Variants in PAK1 observed in about 807,000 individuals in gnomAD.
The protein encoded by PAK1 is serine/threonine-protein kinase PAK 1.
Under a neutral mutation model 67.4 loss-of-function variants are expected in PAK1, and 29 were observed. The observed-to-expected ratio is 0.43, with a 90% confidence interval of 0.32 to 0.59. The LOEUF (loss-of-function observed/expected upper bound fraction) is 0.59, where lower values mean the gene tolerates loss of function less well. Among genes scored for constraint, PAK1 ranks in the 20% least tolerant of loss-of-function variants. PAK1 has a pLI of 0.07. For missense variants in PAK1, 337 were observed against 670.7 expected (o/e 0.50, Z 5.50); for synonymous variants, 223 against 237.4 (o/e 0.94, Z 0.56).
chr11:77,429,963 C>T (rs924845676), intron 1 of PAK1, among the ~76,000 whole-genome samples: 6 of 152,058 alleles, frequency 3.9e-5, no homozygotes, highest in Admixed American at 3.9e-4. Context: ...AGTTTGATAT[C>T]GCTTTTTAAA....
chr11:77,439,280 C>T (rs1336587379), intron 1 of PAK1, among the ~76,000 whole-genome samples: 1 of 152,082 alleles, frequency 6.6e-6, no homozygotes, highest in Non-Finnish European at 1.5e-5. Flanking sequence ...AGGGCTTTGG[C>T]TTTTAAAACC....
intron 4 of PAK1, among the ~76,000 whole-genome samples, chr11:77,377,403 A>T (rs1382378589): frequency 1.3e-5 from 2 of 152,212 alleles, no homozygotes; most frequent in Admixed American, 6.5e-5. Flanking sequence ...AGTTGGCCCT[A>T]GTCTTCAACT....
chr11:77,403,728 CA>C (rs1953035072), intron 1 of PAK1, among the ~76,000 whole-genome samples: 1 of 152,138 alleles, frequency 6.6e-6, no homozygotes, highest in Non-Finnish European at 1.5e-5. Context: ...CTTAAGCAGC[CA>C]AATGTCCTAG....
At chr11:77,403,563 C>CA (rs1338236484) in intron 1 of PAK1, among the ~76,000 whole-genome samples, 3 of 152,170 alleles carry the variant, frequency 2.0e-5, no homozygotes, top group Non-Finnish European at 4.4e-5. Flanking sequence ...AGTCCCCTGC[C>CA]TTTTTTTCCT....
the PAK1 span, among the ~76,000 whole-genome samples, chr11:77,505,798 A>T: frequency 6.6e-6 from 1 of 152,208 alleles, no homozygotes; most frequent in Admixed American, 6.5e-5. Context: ...TTTGTTTATC[A>T]TCATCTGTTG....
At chr11:77,510,403 G>A in the PAK1 span, among the ~76,000 whole-genome samples, 1 of 152,154 alleles carries the variant, frequency 6.6e-6, no homozygotes, top group African/African-American at 2.4e-5. Context: ...GCTAATTGTT[G>A]TACTTTTAGT....
At chr11:77,497,083 A>T in the PAK1 span, among the ~76,000 whole-genome samples, 1 of 152,186 alleles carries the variant, frequency 6.6e-6, no homozygotes, top group South Asian at 2.1e-4. Context: ...AATGGAGCTT[A>T]TCTAGCCTGA....
chr11:77,427,378 A>AT (rs890494940), intron 1 of PAK1, among the ~76,000 whole-genome samples: 25 of 151,890 alleles, frequency 1.6e-4, no homozygotes, highest in Middle Eastern at 3.4e-3. Flanking sequence ...GACAGTGTAG[A>AT]TTTTTTTTTA....
At chr11:77,385,405 T>C (rs1950320991) in intron 2 of PAK1, among the ~76,000 whole-genome samples, 2 of 152,248 alleles carry the variant, frequency 1.3e-5, no homozygotes, top group South Asian at 4.1e-4. Context: ...TTAATAAATT[T>C]GACCACATTA....
At chr11:77,455,021 G>A (rs868031478) in intron 1 of PAK1, among the ~76,000 whole-genome samples, 2 of 152,096 alleles carry the variant, frequency 1.3e-5, no homozygotes, top group East Asian at 3.9e-4. Context: ...TCATCCACTG[G>A]TGAATAAAGA....
At chr11:77,430,074 T>C in intron 1 of PAK1, among the ~76,000 whole-genome samples, 1 of 152,162 alleles carries the variant, frequency 6.6e-6, no homozygotes, top group South Asian at 2.1e-4. Flanking sequence ...ACAGTGAAGT[T>C]AAAGGTAAGA....
chr11:77,349,793 G>C (rs1364087977), intron 8 of PAK1, among the ~76,000 whole-genome samples: 1 of 151,862 alleles, frequency 6.6e-6, no homozygotes, highest in Non-Finnish European at 1.5e-5. Flanking sequence ...TTAGATCTAT[G>C]ATTTTCAACT....
chr11:77,487,027 C>T, the PAK1 span, among the ~76,000 whole-genome samples: 1 of 152,174 alleles, frequency 6.6e-6, no homozygotes, highest in Non-Finnish European at 1.5e-5. Flanking sequence ...CAGCTCATGG[C>T]TCCAGGAGAG....
the PAK1 span, among the ~76,000 whole-genome samples, chr11:77,502,785 T>C: frequency 6.6e-6 from 1 of 152,110 alleles, no homozygotes; most frequent in Non-Finnish European, 1.5e-5. Flanking sequence ...CAAGCTGGCA[T>C]GGTGCACATA....
chr11:77,423,439 ACACC>A (rs1366993375), intron 1 of PAK1, among the ~76,000 whole-genome samples: 8 of 144,568 alleles, frequency 5.5e-5, no homozygotes, highest in African/African-American at 1.9e-4. Context: ...ACACACACAC[ACACC>A]CCTTAGGACA....
chr11:77,445,010 C>G (rs755488632), intron 1 of PAK1, among the ~76,000 whole-genome samples: 1 of 151,942 alleles, frequency 6.6e-6, no homozygotes, highest in Non-Finnish European at 1.5e-5. Context: ...ACCACCAATA[C>G]CTTAGGATTG....
At chr11:77,521,386 G>T in the PAK1 span, among the ~76,000 whole-genome samples, 1 of 152,118 alleles carries the variant, frequency 6.6e-6, no homozygotes, top group Admixed American at 6.5e-5. Context: ...AAAATTAGCC[G>T]GGCATGGTGG....
chr11:77,387,095 T>TG (rs1950547984), intron 2 of PAK1, among the ~76,000 whole-genome samples: 1 of 128,538 alleles, frequency 7.8e-6, no homozygotes, highest in African/African-American at 3.2e-5. Context: ...TTTTTTGTAA[T>TG]GGAGTTTCAC....
At chr11:77,369,859 T>C (rs1284965238) in intron 5 of PAK1, among the ~76,000 whole-genome samples, 1 of 152,234 alleles carries the variant, frequency 6.6e-6, no homozygotes, top group Non-Finnish European at 1.5e-5. Context: ...CTGAAAATAC[T>C]AGATTTTTTT....
Sources: allele counts gnomAD v4.1 joint callset (sites outside exome capture counted in the v4.1 genomes callset), GRCh38; gene constraint gnomAD v4.1.1; transcripts MANE v1.5; gene names NCBI Gene and HGNC (gene_info 2026-07-23, HGNC 2026-07-21).